Variants in GABRG2 observed in about 807,000 individuals in gnomAD.
GABRG2 encodes gamma-aminobutyric acid type A receptor subunit gamma2.
In GABRG2, 16 loss-of-function variants were observed where a neutral mutation model predicts 56.4. That is an observed-to-expected ratio of 0.28 (90% CI 0.19 to 0.43). The LOEUF (loss-of-function observed/expected upper bound fraction) is 0.43. Ranked by LOEUF, GABRG2 falls within the 20% of genes least tolerant of loss-of-function variation. The pLI, the probability that GABRG2 is intolerant of heterozygous loss-of-function variation, is 1.00. For missense variants in GABRG2, 327 were observed against 582.7 expected (o/e 0.56, Z 4.52); for synonymous variants, 208 against 205.5 (o/e 1.01, Z -0.10).
At chr5:162,134,885 T>G (rs758400270) in intron 6 of GABRG2, among the ~76,000 whole-genome samples, 8 of 152,294 alleles carry the variant, frequency 5.3e-5, no homozygotes, top group Admixed American at 2.0e-4. Flanking sequence ...CATTCTTCAG[T>G]ATAGTTCTCC....
intron 6 of GABRG2, among the ~76,000 whole-genome samples, chr5:162,131,884 T>C (rs1763781258): frequency 6.6e-6 from 1 of 151,832 alleles, no homozygotes; most frequent in Admixed American, 6.6e-5. Flanking sequence ...TACTCCAATA[T>C]TAGTAGCTAT....
chr5:162,114,677 A>C (rs1414683076), intron 6 of GABRG2, among the ~76,000 whole-genome samples: 1 of 152,238 alleles, frequency 6.6e-6, no homozygotes, highest in Non-Finnish European at 1.5e-5. Flanking sequence ...ATTGCAAAGA[A>C]GTGCCAGAAT....
chr5:162,132,189 T>C (rs1001414653), intron 6 of GABRG2, among the ~76,000 whole-genome samples: 1 of 148,240 alleles, frequency 6.7e-6, no homozygotes, highest in African/African-American at 2.4e-5. Context: ...CACAAATTAG[T>C]TTTTGACCAA....
intron 1 of GABRG2, among the ~76,000 whole-genome samples, chr5:162,076,377 G>A (rs1708497578): frequency 6.6e-6 from 1 of 151,946 alleles, no homozygotes; most frequent in African/African-American, 2.4e-5. Flanking sequence ...TGTAGAAGAG[G>A]GATTTTTTTA....
chr5:162,129,905 T>C (rs1763610378), intron 6 of GABRG2, among the ~76,000 whole-genome samples: 1 of 151,942 alleles, frequency 6.6e-6, no homozygotes, highest in Non-Finnish European at 1.5e-5. Flanking sequence ...GAATTTGTTA[T>C]AATTTATAGG....
At chr5:162,127,986 G>A (rs960729431) in intron 6 of GABRG2, among the ~76,000 whole-genome samples, 2 of 151,988 alleles carry the variant, frequency 1.3e-5, no homozygotes, top group African/African-American at 4.8e-5. Flanking sequence ...TGCAGGAGGT[G>A]GAAAGCAAGG....
chr5:162,078,507 T>C (rs553564886), intron 1 of GABRG2, among the ~76,000 whole-genome samples: 43 of 146,160 alleles, frequency 2.9e-4, no homozygotes, highest in African/African-American at 1.0e-3. Context: ...CCCAGGTTCA[T>C]GCATTCTCCC....
At chr5:162,085,569 T>A (rs1444999157) in intron 1 of GABRG2, among the ~76,000 whole-genome samples, 1 of 149,646 alleles carries the variant, frequency 6.7e-6, no homozygotes, top group African/African-American at 2.5e-5. Flanking sequence ...TTTTTTTTTT[T>A]ACTTTTTTTT....
intron 6 of GABRG2, among the ~76,000 whole-genome samples, chr5:162,127,407 G>A (rs921172633): frequency 6.6e-6 from 1 of 151,900 alleles, no homozygotes; most frequent in African/African-American, 2.4e-5. Context: ...TATATGGTAT[G>A]CTCTAGTATA....
intron 6 of GABRG2, among the ~76,000 whole-genome samples, chr5:162,113,584 A>G (rs899592731): frequency 1.3e-5 from 2 of 152,224 alleles, no homozygotes; most frequent in Admixed American, 6.5e-5. Flanking sequence ...AGACTCAAAG[A>G]TGAAAGCTTC....
chr5:162,077,267 A>G lies in GABRG2; in HGVS notation c.107+9161A>G, dbSNP rs563805607. Among the ~76,000 whole-genome samples, 3 of 152,286 alleles carry G rather than the reference A, an allele frequency of 2.0e-5. 1 individual carries two copies. The Middle Eastern group carries it at 0.01, about 518-fold the overall frequency. The stretch of plus-strand genomic sequence containing the variant: ...GCACAACTTCATAATAATGAAATTA[A>G]CAATGTGCTTTACCTTTTTAACCCA... On this transcript the variant is annotated intron_variant, in intron 1 of 9. Coordinates refer to ENST00000639213, the MANE Select transcript of GABRG2 (RefSeq NM_198904.4).
At chr5:162,141,128 C>T (rs941217034) in intron 6 of GABRG2, among the ~76,000 whole-genome samples, 3 of 152,082 alleles carry the variant, frequency 2.0e-5, no homozygotes, top group Non-Finnish European at 4.4e-5. Flanking sequence ...GCTCCGCCTC[C>T]CGGGTTCACG....
chr5:162,153,120 T>C lies in GABRG2; in HGVS notation c.1180T>C (p.Ser394Pro), dbSNP rs774328514. The change falls in exon 10 of 10, where the codon TCA becomes CCA. Residue 394 changes from serine to proline, a missense_variant. This residue lies in a region of GABRG2 where 108 missense variants were observed against 144.2 expected (regional missense o/e 0.75). Coordinates refer to ENST00000639213, the MANE Select transcript of GABRG2 (RefSeq NM_198904.4). ...KAPTIDIRPR[S>P]ATIQMNNATH... ...CCCTACCATTGATATCCGCCCAAGA[T>C]CAGCAACCATTCAAATGAATAATGC... The C allele has an allele frequency of 1.2e-6, 2 of 1,613,990 alleles. No homozygotes were observed. Among genetic ancestry groups the C allele is most frequent in the Non-Finnish European group, 1.7e-6 (2 of 1,179,958 alleles).
intron 6 of GABRG2, among the ~76,000 whole-genome samples, chr5:162,109,406 A>ATT (rs1762086566): frequency 7.2e-6 from 1 of 138,908 alleles, no homozygotes; most frequent in Admixed American, 7.2e-5. Flanking sequence ...ATATATATAT[A>ATT]TATATATATA....
intron 8 of GABRG2, 73 bp from the exon 9 acceptor site, chr5:162,151,657 C>CT (rs912927082): frequency 1.5e-3 from 1,812 of 1,239,358 alleles, no homozygotes; most frequent in Non-Finnish European, 1.7e-3. Context: ...TTGTCTCTCT[C>CT]TTTTTTTTTC....
At chr5:162,090,228 T>TA (rs753576163) in intron 1 of GABRG2, among the ~76,000 whole-genome samples, 12 of 151,770 alleles carry the variant, frequency 7.9e-5, no homozygotes, top group Middle Eastern at 3.4e-3. Flanking sequence ...AATTTTTATT[T>TA]AAAAAAAACC....
At chr5:162,145,008 T>G (rs1158716794) in intron 7 of GABRG2, among the ~76,000 whole-genome samples, 1 of 152,194 alleles carries the variant, frequency 6.6e-6, no homozygotes, top group Non-Finnish European at 1.5e-5. Flanking sequence ...TGCAGTCGCC[T>G]TTTAGAACCC....
At chr5:162,094,951 G>T (rs1185987128) in intron 2 of GABRG2, among the ~76,000 whole-genome samples, 1 of 152,098 alleles carries the variant, frequency 6.6e-6, no homozygotes, top group African/African-American at 2.4e-5. Flanking sequence ...CATCAGGGAA[G>T]ATTAATTTTG....
chr5:162,146,605 C>A (rs1764966384), intron 7 of GABRG2, among the ~76,000 whole-genome samples: 1 of 151,236 alleles, frequency 6.6e-6, no homozygotes, highest in Non-Finnish European at 1.5e-5. Flanking sequence ...CTGTTTCACA[C>A]ATTCATTGAA....
Sources: allele counts gnomAD v4.1 joint callset (sites outside exome capture counted in the v4.1 genomes callset), GRCh38; gene constraint gnomAD v4.1.1; regional missense constraint gnomAD v4.1.1; transcripts MANE v1.5; gene names NCBI Gene and HGNC (gene_info 2026-07-23, HGNC 2026-07-21).